F2: variants seen among roughly 807,000 people sequenced by gnomAD.
The protein encoded by F2 is coagulation factor II, thrombin.
A neutral mutation model predicts 81.9 loss-of-function variants in F2; 34 were observed. That is an observed-to-expected ratio of 0.42 (90% confidence interval 0.32 to 0.55). F2 has a LOEUF of 0.55. F2 is among the 20% of genes least tolerant of loss of function. The pLI is 0.18. For missense variants in F2, 630 were observed against 833.4 expected (o/e 0.76, Z 3.00); for synonymous variants, 296 against 326.4 (o/e 0.91, Z 1.01).
chr11:46,723,256 A>T lies in F2; in HGVS notation c.393A>T (p.Leu131=), dbSNP rs1351013437. ...CCCGGTCAGGCATTGAGTGCCAGCT[A>T]TGGAGGAGTCGCTACCCACATAAGC... ...NITRSGIECQ[L]WRSRYPHKPE... Residue 131 remains leucine (L), a synonymous_variant, in exon 5 of 14, where the codon CTA becomes CTT. Coordinates refer to ENST00000311907, the MANE Select transcript of F2 (RefSeq NM_000506.5). The surrounding 1 kb of genome is among the most constrained non-coding windows in gnomAD (Gnocchi z 5.6). The T allele has an allele frequency of 6.2e-7, 1 of 1,614,046 alleles. No individual in the cohort carries two copies. Among genetic ancestry groups the T allele is most frequent in the East Asian group, 2.2e-5 (1 of 44,876 alleles).
Position 46,721,912 on chromosome 11 carries a change from G to T in F2, c.316+1072G>T, listed in dbSNP as rs3136445. On this transcript the variant is annotated intron_variant, in intron 4 of 13. Transcript: ENST00000311907. ...GGCTGGAGTGCAGCAGCGCGATCTCGGCTCGCTGCAACCTCCGCCTAGCGG... is the reference window on the plus strand; with the variant it reads ...GGCTGGAGTGCAGCAGCGCGATCTCTGCTCGCTGCAACCTCCGCCTAGCGG... Among the ~76,000 whole-genome samples, 108 of 150,356 alleles carry T rather than the reference G, an allele frequency of 7.2e-4. 1 individual carries two copies. The highest frequency in any genetic ancestry group is 2.6e-3 in the African/African-American group (105 of 40,776).
chr11:46,723,421 G>C lies in F2; in HGVS notation c.462G>C (p.Glu154Asp), dbSNP rs764154260. 5.0e-6 allele frequency: 8 copies of C among 1,614,112 alleles called. No individual in the cohort carries two copies. Among genetic ancestry groups the C allele is most frequent in the Non-Finnish European group, 6.8e-6 (8 of 1,180,012 alleles). Residue 154 changes from glutamate to aspartate, a missense_variant, in exon 6 of 14, where the codon GAG becomes GAC. Transcript: ENST00000311907. The surrounding 1 kb of genome is among the most constrained non-coding windows in gnomAD (Gnocchi z 5.6). ...STTHPGADLQ[E>D]NFCRNPDSST... Reference sequence around the variant, plus strand: ...CCCATCCTGGGGCCGACCTACAGGAGAATTTCTGCCGCAACCCCGACAGCA... The same window carrying C: ...CCCATCCTGGGGCCGACCTACAGGACAATTTCTGCCGCAACCCCGACAGCA...
chr11:46,720,483 A>G (rs773842485), intron 2 of F2, 40 bp from the exon 3 acceptor site: 1 of 1,613,204 alleles, frequency 6.2e-7, no homozygotes, highest in African/African-American at 1.3e-5. Context: ...AACACAAAAC[A>G]GGAGCTGCCG....
In F2 at chr11:46,739,443, C is replaced by A. The variant is rs749644376; in HGVS notation, c.*35C>A. Reference sequence around the variant, plus strand: ...CATATTCTGGGCTCCTGGAACCAATCCCGTGAAAGAATTATTTTTGTGTTT... The same window carrying A: ...CATATTCTGGGCTCCTGGAACCAATACCGTGAAAGAATTATTTTTGTGTTT... On this transcript the variant is annotated 3_prime_UTR_variant, in exon 14 of 14. Coordinates refer to ENST00000311907, the MANE Select transcript of F2 (RefSeq NM_000506.5). The A allele has an allele frequency of 2.1e-5, 34 of 1,613,092 alleles. No individual in the cohort carries two copies. The highest frequency in any genetic ancestry group is 2.7e-5 in the Non-Finnish European group (32 of 1,179,628).
intron 12 of F2, among the ~76,000 whole-genome samples, chr11:46,731,962 G>C (rs2064915515): frequency 6.9e-6 from 1 of 143,956 alleles, no homozygotes; most frequent in African/African-American, 2.6e-5. Flanking sequence ...TATCACCCGG[G>C]CTGGAGTGTG....
Position 46,723,330 on chromosome 11 carries a change from G to A in F2, c.422+45G>A. ...TCCCACCATGGGCTGAGAACAGGGA[G>A]CAAGCGTACCTCAAGCCCAACAGCC... On this transcript the variant is annotated intron_variant, in intron 5 of 13. Coordinates refer to ENST00000311907, the MANE Select transcript of F2 (RefSeq NM_000506.5). This position sits in a 1 kb window ranked among gnomAD's most constrained non-coding sequence, Gnocchi z 5.6. 1.2e-6 allele frequency: 2 copies of A among 1,613,584 alleles called. No homozygotes were observed. The highest frequency in any genetic ancestry group is 1.7e-6 in the Non-Finnish European group (2 of 1,179,510).
chr11:46,720,474 A>C (rs2064829351), intron 2 of F2, 49 bp from the exon 3 acceptor site: 1 of 1,611,360 alleles, frequency 6.2e-7, no homozygotes, highest in African/African-American at 1.3e-5. Context: ...TACTAAAACA[A>C]CACAAAACAG....
At chr11:46,732,200 CAAT>C (rs2064917645) in intron 12 of F2, among the ~76,000 whole-genome samples, 1 of 151,956 alleles carries the variant, frequency 6.6e-6, no homozygotes, top group Non-Finnish European at 1.5e-5. Context: ...AGGTGTGAGC[CAAT>C]ACGCCTGGCC....
In F2 at chr11:46,739,358, T is replaced by G; in HGVS notation, c.1819T>G (p.Phe607Val). ...GAAATATGGCTTCTACACACATGTG[T>G]TCCGCCTGAAGAAGTGGATACAGAA... ...DGKYGFYTHV[F>V]RLKKWIQKVI... Residue 607 changes from phenylalanine (F) to valine (V), a missense_variant, in exon 14 of 14, where the codon TTC becomes GTC. By Grantham distance (50) the Phe-to-Val change is conservative (BLOSUM62 -1). Transcript: ENST00000311907. The G allele has an allele frequency of 6.2e-7, 1 of 1,614,128 alleles. No individual in the cohort carries two copies. Among genetic ancestry groups the G allele is most frequent in the Non-Finnish European group, 8.5e-7 (1 of 1,180,026 alleles).
intron 6 of F2, 33 bp from the exon 7 acceptor site, chr11:46,725,826 C>A: frequency 1.2e-6 from 2 of 1,609,526 alleles, no homozygotes; most frequent in South Asian, 1.1e-5. Context: ...TGGTCTCACT[C>A]ACTCTGCTGC....
Position 46,719,319 on chromosome 11 carries a change from G to A in F2, c.79+5G>A, listed in dbSNP as rs756810084. The stretch of plus-strand genomic sequence containing the variant: ...GCCTTGTGCACAGCCAGCATGGTAA[G>A]GGAGTGCTTGCAGGCTGGAACAGGC... On this transcript the variant is annotated splice_donor_5th_base_variant and intron_variant, in intron 1 of 13. Coordinates refer to ENST00000311907, the MANE Select transcript of F2 (RefSeq NM_000506.5). The surrounding 1 kb of genome is among the most constrained non-coding windows in gnomAD (Gnocchi z 4.7). 6.8e-6 allele frequency: 11 copies of A among 1,611,672 alleles called. No individual in the cohort carries two copies. In the South Asian group the frequency reaches 1.2e-4, roughly 18 times the overall value.
Position 46,728,092 on chromosome 11 carries a change from G to A in F2, c.1227G>A (p.Leu409=). The change falls in exon 10 of 14, where the codon CTG becomes CTA. Residue 409 remains leucine (L), a synonymous_variant. Transcript: ENST00000311907. This position sits in a 1 kb window ranked among gnomAD's most constrained non-coding sequence, Gnocchi z 5.1. ...TCCTCACCGCCGCCCACTGCCTCCTGTACCCGCCCTGGGACAAGAACTTCA... is the reference window on the plus strand; with the variant it reads ...TCCTCACCGCCGCCCACTGCCTCCTATACCCGCCCTGGGACAAGAACTTCA... ...RWVLTAAHCL[L]YPPWDKNFTE... 1 of 1,611,056 alleles carries A rather than the reference G, an allele frequency of 6.2e-7. No homozygotes were observed. Among genetic ancestry groups the A allele is most frequent in the Non-Finnish European group, 8.5e-7 (1 of 1,179,028 alleles).
intron 4 of F2, among the ~76,000 whole-genome samples, chr11:46,721,928 C>T (rs1041423231): frequency 1.3e-5 from 2 of 151,926 alleles, no homozygotes; most frequent in South Asian, 2.1e-4. Flanking sequence ...CTGCAACCTC[C>T]GCCTAGCGGA....
At chr11:46,733,782 CTTTT>C (rs34296052) in intron 12 of F2, among the ~76,000 whole-genome samples, 1 of 89,742 alleles carries the variant, frequency 1.1e-5, no homozygotes. Flanking sequence ...GATTAAGGAC[CTTTT>C]TTTTTTTTTT....
chr11:46,732,210 G>A (rs1216327643), intron 12 of F2, among the ~76,000 whole-genome samples: 1 of 151,896 alleles, frequency 6.6e-6, no homozygotes, highest in Non-Finnish European at 1.5e-5. Context: ...CAATACGCCT[G>A]GCCTACTTTG....
At chr11:46,731,252 A>C (rs1210434436) in intron 12 of F2, among the ~76,000 whole-genome samples, 4 of 139,232 alleles carry the variant, frequency 2.9e-5, no homozygotes, top group Admixed American at 1.5e-4. Context: ...TTGAGATGGA[A>C]TCTTGCTCTG....
In F2 at chr11:46,719,945, C is replaced by A; in HGVS notation, c.240+83C>A. 1 of 1,504,622 alleles carries A rather than the reference C, an allele frequency of 6.6e-7. No homozygotes were observed. Among genetic ancestry groups the A allele is most frequent in the East Asian group, 2.5e-5 (1 of 40,744 alleles). The allele number at this position is 1,504,622 out of a possible 1,614,324, so 93.2% of individuals were successfully genotyped here. A position where few individuals can be genotyped will look rare whatever the true frequency, so the allele number is the denominator to read the frequency against. Reference sequence around the variant, plus strand: ...CTTCCACAGAGAAGCAAGCGAGGAACGCCACAGCCCCTTCGCTGCTCACAG... The same window carrying A: ...CTTCCACAGAGAAGCAAGCGAGGAAAGCCACAGCCCCTTCGCTGCTCACAG... On this transcript the variant is annotated intron_variant, in intron 2 of 13. Transcript: ENST00000311907. This position sits in a 1 kb window ranked among gnomAD's most constrained non-coding sequence, Gnocchi z 4.7.
At position 46,723,172 on chromosome 11, in the gene F2, C is replaced by G; in HGVS notation, c.317-8C>G. The G allele has an allele frequency of 6.2e-7, 1 of 1,613,004 alleles. No individual in the cohort carries two copies. Among genetic ancestry groups the G allele is most frequent in the Middle Eastern group, 1.6e-4 (1 of 6,062 alleles). The stretch of plus-strand genomic sequence containing the variant: ...GCTCCAAGGCTGACCGGGGTGGGGT[C>G]TCCGCAGGTAACTGTGCTGAGGGTC... On this transcript the variant is annotated splice_polypyrimidine_tract_variant and splice_region_variant and intron_variant, in intron 4 of 13. Transcript: ENST00000311907. This position sits in a 1 kb window ranked among gnomAD's most constrained non-coding sequence, Gnocchi z 5.6.
rs755792283 is a variant in F2 at position 46,728,854 on chromosome 11, T to C, written c.1472+17T>C. On this transcript the variant is annotated intron_variant, in intron 11 of 13. Coordinates refer to ENST00000311907, the MANE Select transcript of F2 (RefSeq NM_000506.5). This position sits in a 1 kb window ranked among gnomAD's most constrained non-coding sequence, Gnocchi z 5.1. ...GGCAGCCAGGTGGGCCACCAGATGCTTGTTAGCTGAGGGGCAGAAGCCAAG... is the reference window on the plus strand; with the variant it reads ...GGCAGCCAGGTGGGCCACCAGATGCCTGTTAGCTGAGGGGCAGAAGCCAAG... 6.2e-7 allele frequency: 1 copy of C among 1,613,018 alleles called. No homozygotes were observed. Among genetic ancestry groups the C allele is most frequent in the South Asian group, 1.1e-5 (1 of 91,024 alleles).
Sources: allele counts gnomAD v4.1 joint callset (sites outside exome capture counted in the v4.1 genomes callset), GRCh38; gene constraint gnomAD v4.1.1; non-coding constraint Gnocchi (gnomAD v3.1); transcripts MANE v1.5; gene names NCBI Gene and HGNC (gene_info 2026-07-23, HGNC 2026-07-21).